The following DIXDC1 variants were observed in gnomAD, a reference collection of about 807,000 sequenced individuals.
The protein encoded by DIXDC1 is dixin.
In DIXDC1, 64 loss-of-function variants were observed where a neutral mutation model predicts 103.1. The observed-to-expected ratio is 0.62, with a 90% CI of 0.51 to 0.76. The LOEUF (loss-of-function observed/expected upper bound fraction) is 0.76. Ranked by LOEUF, DIXDC1 falls within the 30% of genes least tolerant of loss-of-function variation. The probability of loss-of-function intolerance (pLI) is 0.00; values close to 1 mark genes in which losing one functional copy is unlikely to be tolerated. For missense variants in DIXDC1, 759 were observed against 834.2 expected (o/e 0.91, Z 1.11); for synonymous variants, 266 against 298.5 (o/e 0.89, Z 1.12).
chr11:111,960,856 C>T (rs147196162), intron 1 of DIXDC1, among the ~76,000 whole-genome samples: 7 of 152,030 alleles, frequency 4.6e-5, no homozygotes, highest in African/African-American at 7.2e-5. Context: ...TGGACTGTTT[C>T]GCTGGGAAAA....
At chr11:111,950,643 AC>A (rs1355388945) in intron 1 of DIXDC1, among the ~76,000 whole-genome samples, 1 of 150,704 alleles carries the variant, frequency 6.6e-6, no homozygotes, top group Non-Finnish European at 1.5e-5. Flanking sequence ...TTTAGTAGAG[AC>A]AGGGTTTCAC....
intron 18 of DIXDC1, among the ~76,000 whole-genome samples, 167 bp downstream of exon 18, chr11:112,016,963 C>T (rs1555177817): frequency 6.6e-6 from 1 of 151,916 alleles, no homozygotes; most frequent in Non-Finnish European, 1.5e-5. Context: ...AGCTTTGCCA[C>T]TATTCAGTGG....
chr11:111,987,281 C>T (rs1555173988), intron 9 of DIXDC1, among the ~76,000 whole-genome samples: 6 of 151,542 alleles, frequency 4.0e-5, no homozygotes. Context: ...GGGACTATTA[C>T]ACAACTTCAA....
At chr11:111,957,937 G>A (rs587723546) in intron 1 of DIXDC1, among the ~76,000 whole-genome samples, 5 of 152,358 alleles carry the variant, frequency 3.3e-5, no homozygotes, top group African/African-American at 1.2e-4. Context: ...GGGGCGGCAC[G>A]CTCCACAGAG....
chr11:111,996,247 C>A, intron 17 of DIXDC1, 101 bp downstream of exon 17: 1 of 1,011,406 alleles, frequency 9.9e-7, no homozygotes, highest in Non-Finnish European at 1.4e-6. Context: ...TCTTGTAGTA[C>A]TTCACTTTTA....
chr11:112,017,949 T>G lies in DIXDC1; in HGVS notation c.1971+64T>G. ...CCTTTCTGAACCCTGAAGCCTCCTGTTCAAGCACTAGTGTCCAGAAGTACA... is the reference window on the plus strand; with the variant it reads ...CCTTTCTGAACCCTGAAGCCTCCTGGTCAAGCACTAGTGTCCAGAAGTACA... On this transcript the variant is annotated intron_variant, in intron 19 of 19. Coordinates refer to ENST00000440460, the MANE Select transcript of DIXDC1 (RefSeq NM_001037954.4). This position sits in a 1 kb window ranked among gnomAD's most constrained non-coding sequence, Gnocchi z 4.0. 1 of 1,323,698 alleles carries G rather than the reference T, an allele frequency of 7.6e-7. No individual in the cohort carries two copies. Among genetic ancestry groups the G allele is most frequent in the Non-Finnish European group, 1.1e-6 (1 of 945,848 alleles). 82.0% of individuals were successfully genotyped at this position (1,323,698 alleles called of 1,614,324 possible).
chr11:112,018,971 G>A lies in DIXDC1; in HGVS notation c.1987G>A (p.Asp663Asn). Reference protein sequence around the residue: ...TVKEEIFHDDDAIPGWEGKIV... With the variant: ...TVKEEIFHDDNAIPGWEGKIV... ...TTTTCTCTAGATTTTCCATGATGAT[G>A]ATGCCATCCCTGGATGGGAAGGGAA... The change falls in exon 20 of 20, where the codon GAT (aspartate) becomes AAT (asparagine). Residue 663 changes from aspartate (D) to asparagine (N), a missense_variant. Transcript: ENST00000440460. 6.2e-7 allele frequency: 1 copy of A among 1,611,890 alleles called. No individual in the cohort carries two copies. The highest frequency in any genetic ancestry group is 8.5e-7 in the Non-Finnish European group (1 of 1,178,624).
At chr11:111,966,981 C>T (rs1403547091) in intron 2 of DIXDC1, among the ~76,000 whole-genome samples, 1 of 148,350 alleles carries the variant, frequency 6.7e-6, no homozygotes, top group African/African-American at 2.6e-5. Context: ...TAACGCCCTT[C>T]TCTTCAAACA....
intron 5 of DIXDC1, 35 bp from the exon 6 acceptor site, chr11:111,980,702 A>G (rs782562272): frequency 2.6e-5 from 40 of 1,556,446 alleles, no homozygotes; most frequent in Non-Finnish European, 3.5e-5. Flanking sequence ...AACTCTTCAT[A>G]ATAATCGTTT....
intron 10 of DIXDC1, 141 bp from the exon 11 acceptor site, chr11:111,992,274 G>A (rs1043754819): frequency 2.5e-5 from 17 of 687,114 alleles, no homozygotes; most frequent in African/African-American, 1.1e-4. Flanking sequence ...TCAGCAACTC[G>A]TGGCAAGACC....
intron 1 of DIXDC1, among the ~76,000 whole-genome samples, chr11:111,950,426 ATATATATATATATTTTTTTTTTTTTTTTT>A (rs1361249948): frequency 0.079 from 2,271 of 28,872 alleles, 124 homozygotes; most frequent in African/African-American, 0.18. Context: ...ATATATATAT[ATATATATATATATTTTTTTTTTTTTTTTT>A]TTTTTTTTTT....
intron 5 of DIXDC1, chr11:111,975,329 T>C: frequency 8.9e-7 from 1 of 1,122,900 alleles, no homozygotes; most frequent in Non-Finnish European, 1.1e-6. Context: ...AGTTCCATTG[T>C]GCTGTCCTTG....
At chr11:111,944,711 C>G (rs1347466222) in intron 1 of DIXDC1, among the ~76,000 whole-genome samples, 3 of 152,166 alleles carry the variant, frequency 2.0e-5, no homozygotes, top group Admixed American at 2.0e-4. Context: ...CCTCGTGGTA[C>G]TATCACTGCT....
rs587692314 is a variant in DIXDC1, at chr11:111,958,178, A to T, written c.61-6371A>T. On this transcript the variant is annotated intron_variant, in intron 1 of 19. Coordinates refer to ENST00000440460, the MANE Select transcript of DIXDC1 (RefSeq NM_001037954.4). The surrounding 1 kb of genome is among the most constrained non-coding windows in gnomAD (Gnocchi z 4.2). The stretch of plus-strand genomic sequence containing the variant: ...CCCTGTGCTCTTGTGGGCCAGAAGC[A>T]GGTAGGAGTCCCGGCCTCCCGGGCA... Among the ~76,000 whole-genome samples, 2 of 150,892 alleles carry T rather than the reference A, an allele frequency of 1.3e-5. No homozygotes were observed. The highest frequency in any genetic ancestry group is 4.9e-5 in the African/African-American group (2 of 40,958).
Position 111,984,269 on chromosome 11 carries a change from C to G in DIXDC1, c.919-963C>G, listed in dbSNP as rs587738185. ...GAATATAATAATTAGGTATAGGCAA[C>G]GCATGGTGGGCCACACCTGTAACCC... On this transcript the variant is annotated intron_variant, in intron 7 of 19. Transcript: ENST00000440460. Among the ~76,000 whole-genome samples the G allele has an allele frequency of 3.3e-5, 5 of 152,216 alleles. 1 individual carries two copies. In the South Asian group the frequency reaches 1.0e-3, roughly 32 times the overall value.
upstream of DIXDC1, chr11:111,937,275 A>G (rs2137433417): frequency 1.5e-6 from 2 of 1,301,748 alleles, no homozygotes; most frequent in Non-Finnish European, 1.9e-6. Flanking sequence ...TTGTTTCCAT[A>G]GGAACCGCGA....
In DIXDC1 at chr11:111,982,486, A is replaced by C; in HGVS notation, c.917A>C (p.Gln306Pro). 10 of 1,612,950 alleles carry C rather than the reference A, an allele frequency of 6.2e-6. No individual in the cohort carries two copies. Among genetic ancestry groups the C allele is most frequent in the Non-Finnish European group, 8.5e-6 (10 of 1,179,456 alleles). Reference sequence around the variant, plus strand: ...GCAAAGAAAATGATATCAGGACTACAGGTAGCTCTCTCCCTTGTAGTTTGC... The same window carrying C: ...GCAAAGAAAATGATATCAGGACTACCGGTAGCTCTCTCCCTTGTAGTTTGC... ...EEAKKMISGL[Q>P]ALLLNGSLPE... Residue 306 changes from glutamine to proline, a missense_variant and splice_region_variant, in exon 7 of 20, where the codon CAG becomes CCG. Transcript: ENST00000440460.
chr11:111,943,987 G>A (rs1376841160), intron 1 of DIXDC1, among the ~76,000 whole-genome samples: 1 of 152,162 alleles, frequency 6.6e-6, no homozygotes, highest in East Asian at 1.9e-4. Context: ...CAAATTCAAT[G>A]AACAAATAGC....
chr11:111,942,403 C>T (rs587639632), intron 1 of DIXDC1, among the ~76,000 whole-genome samples: 3 of 152,356 alleles, frequency 2.0e-5, no homozygotes, highest in African/African-American at 7.2e-5. Context: ...AAGGCTAAAA[C>T]TGACACTTTC....
Sources: gnomAD v4.1 joint callset for allele counts (sites outside exome capture counted in the v4.1 genomes callset) on GRCh38, gnomAD v4.1.1 for gene constraint, Gnocchi (gnomAD v3.1) non-coding constraint, MANE v1.5 for transcripts, NCBI Gene and HGNC (gene_info 2026-07-23, HGNC 2026-07-21) for gene names.